Variants in KDM6A observed in about 807,000 individuals in gnomAD.
The protein encoded by KDM6A is lysine-specific demethylase 6A.
Under a neutral mutation model 117.6 loss-of-function variants are expected in KDM6A, and 11 were observed. The ratio of observed to expected loss-of-function variants is 0.09; its 90% CI spans 0.06 to 0.15. KDM6A has a LOEUF of 0.15. Among genes scored for constraint, KDM6A ranks in the 10% least tolerant of loss-of-function variants. The pLI is 1.00. For synonymous variants in KDM6A, 384 were observed against 396.1 expected, an observed-to-expected ratio of 0.97 and a Z score of 0.36; for missense variants, 799 against 1,077.3, an observed-to-expected ratio of 0.74 and a Z score of 3.62.
At position 45,016,386 on chromosome X, in the gene KDM6A, ATC is replaced by A. The variant is rs1432767895; in HGVS notation, c.444-4220_444-4219del. ...AATTAGTTGATTTATCCCTTCATATATCTCTGTGAGAAATCTCTTGTTCAGCC... is the reference window on the plus strand; with the variant it reads ...AATTAGTTGATTTATCCCTTCATATATCTGTGAGAAATCTCTTGTTCAGCC... On this transcript the variant is annotated intron_variant, in intron 5 of 29. Coordinates refer to ENST00000611820, the MANE Select transcript of KDM6A (RefSeq NM_001291415.2). 3.6e-5 allele frequency among the ~76,000 whole-genome samples: 4 copies of A among 111,821 alleles called. No homozygotes were observed. In the East Asian group the frequency reaches 1.1e-3, roughly 31 times the overall value.
chrX:45,025,461 C>A (rs746762171), intron 6 of KDM6A, among the ~76,000 whole-genome samples: 6 of 112,297 alleles, frequency 5.3e-5, no homozygotes, highest in African/African-American at 1.9e-4. Context: ...CCATGCCCAG[C>A]CTAATTCAGG....
Position 45,051,750 on chromosome X carries a change from G to T in KDM6A, c.696G>T (p.Leu232Phe), listed in dbSNP as rs777629156. Reference sequence around the variant, plus strand: ...CAAAAGAAGCTTATGAACAACTTTTGCAGACAGAGAATCTTTCTGCACAAG... The same window carrying T: ...CAAAAGAAGCTTATGAACAACTTTTTCAGACAGAGAATCTTTCTGCACAAG... ...HSAKEAYEQL[L>F]QTENLSAQVK... The change falls in exon 9 of 30, where the codon TTG becomes TTT. Residue 232 changes from leucine to phenylalanine, a missense_variant. Physicochemically the swap from Leu to Phe is conservative, Grantham distance 22. Around this residue, in one of 8 missense-constraint regions of KDM6A, gnomAD observed 63 missense variants for 68.2 expected, o/e 0.92. Coordinates refer to ENST00000611820, the MANE Select transcript of KDM6A (RefSeq NM_001291415.2). The T allele has an allele frequency of 8.4e-7, 1 of 1,190,919 alleles. No homozygotes were observed. The highest frequency in any genetic ancestry group is 1.1e-6 in the Non-Finnish European group (1 of 879,788).
rs757564026 is a variant in KDM6A at position 45,069,919 on chromosome X, C to T, written c.2420C>T (p.Thr807Met). Residue 807 changes from threonine (T) to methionine (M), a missense_variant, in exon 18 of 30, where the codon ACG (threonine) becomes ATG (methionine). Thr to Met is a moderately conservative substitution (Grantham distance 81). This residue lies in a region of KDM6A where 301 missense variants were observed against 318.3 expected (regional missense o/e 0.95). Coordinates refer to ENST00000611820, the MANE Select transcript of KDM6A (RefSeq NM_001291415.2). ...EGLPNHVHQM[T>M]ADAVCSPSHG... ...CTTCCTAATCATGTCCATCAGATGA[C>T]GGCAGATGCTGTTTGCAGTCCTAGC... The T allele has an allele frequency of 1.2e-5, 14 of 1,209,749 alleles. No homozygotes were observed. Among genetic ancestry groups the T allele is most frequent in the Middle Eastern group, 2.3e-4 (1 of 4,375 alleles).
At chrX:44,894,668 T>C (rs1236559113) in intron 2 of KDM6A, among the ~76,000 whole-genome samples, 3 of 108,158 alleles carry the variant, frequency 2.8e-5, no homozygotes, top group Non-Finnish European at 3.8e-5. Context: ...CAGGCTGGAG[T>C]GCAGTGGCGT....
At chrX:45,091,267 T>C (rs1239729450) in intron 27 of KDM6A, among the ~76,000 whole-genome samples, 1 of 112,056 alleles carries the variant, frequency 8.9e-6, no homozygotes, top group African/African-American at 3.2e-5. Flanking sequence ...GATTTTTTAA[T>C]TTTTAATTAA....
intron 4 of KDM6A, among the ~76,000 whole-genome samples, chrX:44,984,181 A>G (rs2040067536): frequency 9.1e-6 from 1 of 109,986 alleles, no homozygotes; most frequent in Admixed American, 9.6e-5. Context: ...GCATTTTTTC[A>G]TGTGTCTTTT....
Position 45,086,054 on chromosome X carries a change from G to T in KDM6A, c.3704+75G>T. Reference sequence around the variant, plus strand: ...TTGTAAACGACAACTTACCAAGCTGGATCTCCTAATGGATACATTGCCAGT... The same window carrying T: ...TTGTAAACGACAACTTACCAAGCTGTATCTCCTAATGGATACATTGCCAGT... On this transcript the variant is annotated intron_variant, in intron 25 of 29. Transcript: ENST00000611820. 5.1e-6 allele frequency: 3 copies of T among 588,792 alleles called. No homozygotes were observed. In the South Asian group the frequency reaches 7.0e-5, roughly 14 times the overall value. 48.5% of individuals were successfully genotyped at this position (588,792 alleles called of 1,213,427 possible).
chrX:45,037,739 T>G (rs2042879477), intron 8 of KDM6A, 50 bp downstream of exon 8: 1 of 941,535 alleles, frequency 1.1e-6, no homozygotes, highest in Admixed American at 2.2e-5. Flanking sequence ...CAAAAATCAT[T>G]ACTCCTATCA....
chrX:44,979,901 T>A (rs1448195975), intron 4 of KDM6A, among the ~76,000 whole-genome samples: 1 of 111,707 alleles, frequency 9.0e-6, no homozygotes, highest in Non-Finnish European at 1.9e-5. Context: ...CAGTGATCTG[T>A]GTGTCTGTTT....
At chrX:45,093,357 A>G (rs2045968403) in intron 27 of KDM6A, among the ~76,000 whole-genome samples, 1 of 106,880 alleles carries the variant, frequency 9.4e-6, no homozygotes, top group Non-Finnish European at 1.9e-5. Context: ...CCTGGGTGAA[A>G]GAGTGAGACT....
intron 6 of KDM6A, among the ~76,000 whole-genome samples, chrX:45,029,057 A>G (rs924436750): frequency 9.8e-5 from 11 of 112,000 alleles, no homozygotes; most frequent in African/African-American, 3.6e-4. Context: ...TTCTGGTGCT[A>G]ACTTACAACA....
At chrX:44,959,073 A>G (rs1373685984) in intron 2 of KDM6A, among the ~76,000 whole-genome samples, 1 of 110,970 alleles carries the variant, frequency 9.0e-6, no homozygotes, top group African/African-American at 3.3e-5. Flanking sequence ...ATGAAGTTTC[A>G]CTATGAAGTA....
At chrX:44,902,648 A>G (rs1000845495) in intron 2 of KDM6A, among the ~76,000 whole-genome samples, 1 of 112,273 alleles carries the variant, frequency 8.9e-6, no homozygotes, top group Non-Finnish European at 1.9e-5. Context: ...TCGGCCTCCC[A>G]AAGTGCTGGG....
chrX:45,018,270 G>GT (rs1346059686), intron 5 of KDM6A, among the ~76,000 whole-genome samples: 2 of 111,143 alleles, frequency 1.8e-5, no homozygotes, highest in Admixed American at 9.6e-5. Flanking sequence ...GGTCTATAAG[G>GT]TTTTCGATTA....
chrX:44,970,731 T>C (rs1391571246), intron 3 of KDM6A, among the ~76,000 whole-genome samples: 1 of 112,043 alleles, frequency 8.9e-6, no homozygotes, highest in East Asian at 2.8e-4. Flanking sequence ...TGATTCTAGC[T>C]TAAACAATAA....
intron 2 of KDM6A, among the ~76,000 whole-genome samples, chrX:44,936,282 G>A (rs1248559271): frequency 9.0e-6 from 1 of 110,519 alleles, no homozygotes; most frequent in Non-Finnish European, 1.9e-5. Flanking sequence ...CTCCTTTCAG[G>A]ATCCTTATCT....
intron 8 of KDM6A, among the ~76,000 whole-genome samples, chrX:45,050,221 C>T (rs1222270644): frequency 4.4e-5 from 5 of 112,525 alleles, no homozygotes; most frequent in Non-Finnish European, 9.4e-5. Context: ...TGCCTATAAT[C>T]CCAGCTACTC....
intron 27 of KDM6A, among the ~76,000 whole-genome samples, chrX:45,095,948 G>A (rs1461677913): frequency 9.0e-6 from 1 of 111,709 alleles, no homozygotes; most frequent in Non-Finnish European, 1.9e-5. Flanking sequence ...TGCTTGAATT[G>A]TTTTCTATTT....
Position 45,079,362 on chromosome X carries a change from G to A in KDM6A, c.3300+11G>A, listed in dbSNP as rs377090958. ...CAGGAATCATTGAGAGTAAGTATTTGTATCCTAAAGATTATTTTAGGATTT... is the reference window on the plus strand; with the variant it reads ...CAGGAATCATTGAGAGTAAGTATTTATATCCTAAAGATTATTTTAGGATTT... On this transcript the variant is annotated intron_variant, in intron 21 of 29. Transcript: ENST00000611820. The A allele has an allele frequency of 1.7e-4, 192 of 1,119,123 alleles. 1 individual carries two copies. The highest frequency in any genetic ancestry group is 2.1e-4 in the Non-Finnish European group (168 of 813,932). 92.2% of individuals were successfully genotyped at this position (1,119,123 alleles called of 1,213,427 possible).
Sources: gnomAD v4.1 joint callset for allele counts (sites outside exome capture counted in the v4.1 genomes callset) on GRCh38, gnomAD v4.1.1 for gene constraint, gnomAD v4.1.1 regional missense constraint, MANE v1.5 for transcripts, NCBI Gene and HGNC (gene_info 2026-07-23, HGNC 2026-07-21) for gene names.